Variants in PLB1 observed in about 807,000 individuals in gnomAD.
PLB1 encodes the protein phospholipase B1, membrane-associated.
A neutral mutation model predicts 227.4 loss-of-function variants in PLB1; 242 were observed. The ratio of observed to expected loss-of-function variants is 1.06; its 90% CI spans 0.96 to 1.18. PLB1 has a LOEUF of 1.18. Among genes scored for constraint, PLB1 ranks in the 50% most tolerant of loss-of-function variants. PLB1 has a pLI of 0.00. For synonymous variants in PLB1, 757 were observed against 682.2 expected (o/e 1.11, Z -1.71); for missense variants, 1,858 against 1,816.3 (o/e 1.02, Z -0.42).
rs1226832765 is a variant in PLB1, at chr2:28,633,034, A to G, written c.4093A>G (p.Asn1365Asp). The G allele has an allele frequency of 1.9e-6, 3 of 1,613,694 alleles. No homozygotes were observed. Among genetic ancestry groups the G allele is most frequent in the African/African-American group, 2.7e-5 (2 of 74,848 alleles). Residue 1365 changes from asparagine to aspartate, a missense_variant, in exon 56 of 58, where the codon AAC becomes GAC. Coordinates refer to ENST00000327757, the MANE Select transcript of PLB1 (RefSeq NM_153021.5). Reference protein sequence around the residue: ...HAEMAIALWNNMLEPVGRKTT... With the variant: ...HAEMAIALWNDMLEPVGRKTT... The stretch of plus-strand genomic sequence containing the variant: ...CGAGATGGCCATCGCACTCTGGAAC[A>G]ACATGGTGAGCAGCCAAGGGCCTGG...
At chr2:28,633,300 G>T in intron 56 of PLB1, 1 of 449,938 alleles carries the variant, frequency 2.2e-6, no homozygotes, top group Non-Finnish European at 4.0e-6. Context: ...TACTGCGAGG[G>T]GATCCCTTTG....
chr2:28,545,906 C>G (rs1006970507), intron 14 of PLB1, among the ~76,000 whole-genome samples: 5 of 152,134 alleles, frequency 3.3e-5, no homozygotes, highest in African/African-American at 1.2e-4. Flanking sequence ...TTACTCTGTC[C>G]TCAGACACCC....
intron 9 of PLB1, among the ~76,000 whole-genome samples, chr2:28,535,853 G>T (rs1302345896): frequency 6.6e-6 from 1 of 152,154 alleles, no homozygotes; most frequent in Non-Finnish European, 1.5e-5. Flanking sequence ...CCAGGAAGTG[G>T]AGGCTGCAGT....
chr2:28,549,398 G>A (rs1163712839), intron 15 of PLB1, among the ~76,000 whole-genome samples: 2 of 142,444 alleles, frequency 1.4e-5, no homozygotes, highest in Admixed American at 1.4e-4. Context: ...GGACATAAAT[G>A]AATGAGATTC....
intron 21 of PLB1, among the ~76,000 whole-genome samples, chr2:28,573,871 A>T (rs1343045344): frequency 1.3e-5 from 2 of 152,194 alleles, no homozygotes; most frequent in East Asian, 3.9e-4. Flanking sequence ...AGTTCTGGTG[A>T]GCTGTAAATA....
chr2:28,532,038 A>T, intron 8 of PLB1, 70 bp from the exon 9 acceptor site: 1 of 1,227,320 alleles, frequency 8.1e-7, no homozygotes, highest in Non-Finnish European at 1.2e-6. Context: ...AAAGACATGA[A>T]AACAAAGACA....
At chr2:28,590,153 T>TCACCCC in intron 29 of PLB1, 77 bp downstream of exon 29, 1 of 1,250,286 alleles carries the variant, frequency 8.0e-7, no homozygotes, top group South Asian at 1.2e-5. Context: ...GCCCTCACCC[T>TCACCCC]CACCCCAGCT....
intron 18 of PLB1, among the ~76,000 whole-genome samples, chr2:28,564,117 C>T (rs985151954): frequency 6.6e-6 from 1 of 152,280 alleles, no homozygotes; most frequent in Admixed American, 6.5e-5. Context: ...TGACACATGC[C>T]TATAGTCCCA....
chr2:28,620,815 C>G, intron 48 of PLB1, 64 bp from the exon 49 acceptor site: 1 of 1,483,020 alleles, frequency 6.7e-7, no homozygotes, highest in Non-Finnish European at 9.4e-7. Context: ...ATGCTCATCT[C>G]AGTTACTGTG....
intron 13 of PLB1, among the ~76,000 whole-genome samples, chr2:28,542,710 G>A (rs983199855): frequency 6.6e-6 from 1 of 152,182 alleles, no homozygotes; most frequent in Non-Finnish European, 1.5e-5. Context: ...GGGCCACCCA[G>A]ACCATGTAGC....
intron 16 of PLB1, among the ~76,000 whole-genome samples, chr2:28,552,122 T>C (rs529039847): frequency 6.6e-6 from 1 of 152,288 alleles, no homozygotes; most frequent in South Asian, 2.1e-4. Flanking sequence ...ATAGGTACTG[T>C]AATGCATGTT....
At chr2:28,554,190 AATC>A (rs551447495) in intron 17 of PLB1, among the ~76,000 whole-genome samples, 5 of 152,308 alleles carry the variant, frequency 3.3e-5, no homozygotes, top group African/African-American at 1.2e-4. Flanking sequence ...AGCAGAAATA[AATC>A]ATCAGCTTCA....
intron 16 of PLB1, among the ~76,000 whole-genome samples, chr2:28,551,893 A>G (rs983735322): frequency 7.9e-5 from 12 of 152,244 alleles, no homozygotes; most frequent in African/African-American, 2.7e-4. Context: ...TTTATTGACT[A>G]TCTGCTGTGT....
intron 29 of PLB1, 108 bp from the exon 30 acceptor site, chr2:28,591,025 G>A: frequency 5.7e-6 from 8 of 1,399,804 alleles, no homozygotes; most frequent in Non-Finnish European, 7.1e-6. Context: ...TTGGGACACA[G>A]GGCAGGCAGG....
intron 8 of PLB1, among the ~76,000 whole-genome samples, chr2:28,531,039 G>GTCC (rs1300859291): frequency 6.6e-6 from 1 of 152,192 alleles, no homozygotes; most frequent in African/African-American, 2.4e-5. Context: ...CTGCTTCACA[G>GTCC]TCCAGTGTTC....
chr2:28,584,847 G>A (rs1462318973), intron 25 of PLB1, among the ~76,000 whole-genome samples: 2 of 152,334 alleles, frequency 1.3e-5, no homozygotes, highest in Non-Finnish European at 2.9e-5. Context: ...GTTTAACATA[G>A]AGATTAAGAG....
At chr2:28,560,572 G>C (rs1305308057) in intron 17 of PLB1, among the ~76,000 whole-genome samples, 4 of 152,276 alleles carry the variant, frequency 2.6e-5, no homozygotes, top group South Asian at 4.1e-4. Flanking sequence ...CTTGAGCCCA[G>C]GAGGCCGAGG....
At chr2:28,544,284 A>G (rs1359454404) in intron 14 of PLB1, among the ~76,000 whole-genome samples, 1 of 152,228 alleles carries the variant, frequency 6.6e-6, no homozygotes, top group African/African-American at 2.4e-5. Flanking sequence ...ATGTCCCCAG[A>G]AATCCACTTT....
intron 43 of PLB1, among the ~76,000 whole-genome samples, chr2:28,611,327 A>G (rs1020365848): frequency 1.4e-4 from 21 of 152,238 alleles, no homozygotes; most frequent in Admixed American, 1.4e-3. Flanking sequence ...AGCACTTCCA[A>G]AAAGGTCAAG....
Sources: allele counts gnomAD v4.1 joint callset (sites outside exome capture counted in the v4.1 genomes callset), GRCh38; gene constraint gnomAD v4.1.1; transcripts MANE v1.5; gene names NCBI Gene and HGNC (gene_info 2026-07-23, HGNC 2026-07-21).